The following ILDR2 variants were observed in gnomAD, a reference collection of about 807,000 sequenced individuals.
The protein encoded by ILDR2 is immunoglobulin like domain containing receptor 2, also known as immunoglobulin-like domain-containing receptor 2.
Under a neutral mutation model 66.8 loss-of-function variants are expected in ILDR2, and 25 were observed. That is an observed-to-expected ratio of 0.37 (90% CI 0.27 to 0.52). The LOEUF is 0.52. ILDR2 is among the 20% of genes least tolerant of loss of function. The pLI is 0.88. For missense variants in ILDR2, 827 were observed against 876.8 expected (o/e 0.94, Z 0.72); for synonymous variants, 367 against 357.2 (o/e 1.03, Z -0.31).
chr1:166,957,728 C>T, intron 2 of ILDR2, 41 bp downstream of exon 2: 1 of 1,511,256 alleles, frequency 6.6e-7, no homozygotes, highest in Non-Finnish European at 9.1e-7. Context: ...TGAAACTAAC[C>T]TCCCTCCCAT....
chr1:166,935,535 A>C, intron 5 of ILDR2, 58 bp from the exon 6 acceptor site: 2 of 1,459,918 alleles, frequency 1.4e-6, no homozygotes, highest in Non-Finnish European at 1.8e-6. Flanking sequence ...CACAACCCTC[A>C]CACCAAAAAT....
At position 166,931,865 on chromosome 1, in the gene ILDR2, A is replaced by C. The variant is rs113341752; in HGVS notation, c.880+3436T>G. Among the ~76,000 whole-genome samples the C allele has an allele frequency of 2.9e-3, 440 of 152,350 alleles. 2 individuals are homozygous for C. The highest frequency in any genetic ancestry group is 0.01 in the African/African-American group (419 of 41,578). On this transcript the variant is annotated intron_variant, in intron 6 of 9. Coordinates refer to ENST00000271417, the MANE Select transcript of ILDR2 (RefSeq NM_199351.3). ...ATGTAGAAGCTGGTTCGAAGTGAAG[A>C]AGCAGCAGATTAATTCAATTTCCTA...
In ILDR2 at chr1:166,909,006, CT is replaced by C. The variant is rs1278581701; in HGVS notation, c.*10348del. 3 of 152,340 alleles carry C rather than the reference CT, an allele frequency of 2.0e-5. No individual in the cohort carries two copies. The highest frequency in any genetic ancestry group is 3.9e-4 in the East Asian group (2 of 5,182). 9.4% of individuals were successfully genotyped at this position (152,340 alleles called of 1,614,324 possible). A position where few individuals can be genotyped will look rare whatever the true frequency, so the allele number is the denominator to read the frequency against. On this transcript the variant is annotated 3_prime_UTR_variant, in exon 10 of 10. Transcript: ENST00000271417. ...CTGCCCAGCATCACTATTCTCACTT[CT>C]TCTATTAATAACAACTCTCTTCTCT... is the stretch of plus-strand genomic sequence containing the variant.
chr1:166,939,667 G>T, intron 3 of ILDR2, 97 bp from the exon 4 acceptor site: 1 of 898,752 alleles, frequency 1.1e-6, no homozygotes, highest in Non-Finnish European at 1.8e-6. Context: ...CACACGTGCG[G>T]CCATTAGTGC....
rs1659528319 is a variant in ILDR2 at position 166,913,604 on chromosome 1, T to C, written c.*5751A>G. 6.6e-6 allele frequency: 1 copy of C among 152,174 alleles called. No homozygotes were observed. The highest frequency in any genetic ancestry group is 1.5e-5 in the Non-Finnish European group (1 of 68,034). 9.4% of individuals were successfully genotyped at this position (152,174 alleles called of 1,614,324 possible). On this transcript the variant is annotated 3_prime_UTR_variant, in exon 10 of 10. Coordinates refer to ENST00000271417, the MANE Select transcript of ILDR2 (RefSeq NM_199351.3). ...AAAATTTAGCTAAACTACTATATCT[T>C]TTTCCTTCTCACATTCCTTATTCCT...
chr1:166,907,745 T>C (rs1571257153), downstream of ILDR2, among the ~76,000 whole-genome samples: 6 of 152,202 alleles, frequency 3.9e-5, no homozygotes, highest in Admixed American at 3.3e-4. Flanking sequence ...AAATTATACA[T>C]ATTTTGAGTG....
In ILDR2 at chr1:166,919,282, T is replaced by C. The variant is rs779981135; in HGVS notation, c.*73A>G. The C allele has an allele frequency of 1.7e-4, 235 of 1,418,400 alleles. 2 individuals are homozygous for C. Among genetic ancestry groups the C allele is most frequent in the Non-Finnish European group, 2.2e-4 (222 of 1,012,592 alleles). 87.9% of individuals were successfully genotyped at this position (1,418,400 alleles called of 1,614,324 possible). On this transcript the variant is annotated 3_prime_UTR_variant, in exon 10 of 10. Coordinates refer to ENST00000271417, the MANE Select transcript of ILDR2 (RefSeq NM_199351.3). ...TGGCCAGAGAAGGTCCTGGGCCTGC[T>C]GGTTCTTAGATTTGTGTCTTGTCCC...
rs1659679620 is a variant in ILDR2, at chr1:166,917,258, T to C, written c.*2097A>G. ...CCAAAGCAACACGGAAGTCCTTTGGTAGGTCAATTCTCCAAGCAATGACAC... is the reference window on the plus strand; with the variant it reads ...CCAAAGCAACACGGAAGTCCTTTGGCAGGTCAATTCTCCAAGCAATGACAC... On this transcript the variant is annotated 3_prime_UTR_variant, in exon 10 of 10. Transcript: ENST00000271417. The C allele has an allele frequency of 6.6e-6, 1 of 152,146 alleles. No individual in the cohort carries two copies. Among genetic ancestry groups the C allele is most frequent in the South Asian group, 2.1e-4 (1 of 4,818 alleles). The allele number at this position is 152,146 out of a possible 1,614,324, so 9.4% of individuals were successfully genotyped here.
intron 3 of ILDR2, among the ~76,000 whole-genome samples, chr1:166,948,182 C>T (rs1484114376): frequency 6.6e-6 from 1 of 152,048 alleles, no homozygotes; most frequent in Non-Finnish European, 1.5e-5. Flanking sequence ...TAATTTCCCC[C>T]CCAACCCTCT....
chr1:166,922,207 C>G (rs951282400), intron 8 of ILDR2, among the ~76,000 whole-genome samples: 1 of 151,922 alleles, frequency 6.6e-6, no homozygotes, highest in African/African-American at 2.4e-5. Flanking sequence ...CGCTTGAGCT[C>G]AGGAGTTCAA....
intron 3 of ILDR2, among the ~76,000 whole-genome samples, chr1:166,950,909 G>C (rs1471137382): frequency 6.6e-6 from 1 of 152,122 alleles, no homozygotes; most frequent in African/African-American, 2.4e-5. Flanking sequence ...AATCCCAAAT[G>C]AGCGCCTTAC....
intron 9 of ILDR2, 151 bp downstream of exon 9, chr1:166,920,556 G>A: frequency 1.2e-6 from 1 of 832,582 alleles, no homozygotes; most frequent in African/African-American, 1.8e-5. Context: ...AGCATCCGCG[G>A]ACGAACTCGC....
downstream of ILDR2, among the ~76,000 whole-genome samples, chr1:166,903,757 C>T (rs1423953606): frequency 6.6e-6 from 1 of 152,138 alleles, no homozygotes; most frequent in Non-Finnish European, 1.5e-5. Context: ...TGATGGCTTC[C>T]CTTCTGTTCC....
rs1384552896 is a variant in ILDR2 at position 166,921,952 on chromosome 1, C to G, written c.1212-573G>C. Among the ~76,000 whole-genome samples, 1 of 152,106 alleles carries G rather than the reference C, an allele frequency of 6.6e-6. No individual in the cohort carries two copies. Among genetic ancestry groups the G allele is most frequent in the Non-Finnish European group, 1.5e-5 (1 of 68,004 alleles). On this transcript the variant is annotated intron_variant, in intron 8 of 9. Coordinates refer to ENST00000271417, the MANE Select transcript of ILDR2 (RefSeq NM_199351.3). The surrounding 1 kb of genome is among the most constrained non-coding windows in gnomAD (Gnocchi z 5.3). Reference sequence around the variant, plus strand: ...TAGGGGGAATAGCAAATCTTAGCCTCCCACAATTGTTGTGGGAGGCCACAT... The same window carrying G: ...TAGGGGGAATAGCAAATCTTAGCCTGCCACAATTGTTGTGGGAGGCCACAT...
chr1:166,950,726 T>TACAC (rs57212569), intron 3 of ILDR2, among the ~76,000 whole-genome samples: 10,699 of 146,624 alleles, frequency 0.073, 456 homozygotes, highest in African/African-American at 0.13. Context: ...TGATCTAAAA[T>TACAC]ACACACACAC....
intron 7 of ILDR2, among the ~76,000 whole-genome samples, chr1:166,924,771 T>C (rs754023206): frequency 6.6e-6 from 1 of 152,186 alleles, no homozygotes; most frequent in Non-Finnish European, 1.5e-5. Flanking sequence ...TCCCAGCACT[T>C]TGTGAGACCA....
In ILDR2 at chr1:166,973,617, C is replaced by T. The variant is rs906459900; in HGVS notation, c.46+1606G>A. ...ACCTCTGACTCAGGGACCCCTCCCC[C>T]CCCCCCCCGATGCCTGGCTGACTTC... On this transcript the variant is annotated intron_variant, in intron 1 of 9. Coordinates refer to ENST00000271417, the MANE Select transcript of ILDR2 (RefSeq NM_199351.3). 2.4e-4 allele frequency among the ~76,000 whole-genome samples: 26 copies of T among 109,578 alleles called. 2 individuals are homozygous for T. Among genetic ancestry groups the T allele is most frequent in the South Asian group, 6.2e-4 (2 of 3,228 alleles). 71.9% of individuals were successfully genotyped at this position (109,578 alleles called of 152,430 possible).
Position 166,935,429 on chromosome 1 carries a change from G to A in ILDR2, c.752C>T (p.Ser251Phe), listed in dbSNP as rs766093560. Residue 251 changes from serine (S) to phenylalanine (F), a missense_variant, in exon 6 of 10, where the codon TCC (serine) becomes TTC (phenylalanine). Coordinates refer to ENST00000271417, the MANE Select transcript of ILDR2 (RefSeq NM_199351.3). Reference protein sequence around the residue: ...AAKAGYPPSVSGVPGPYSIPS... With the variant: ...AAKAGYPPSVFGVPGPYSIPS... ...GATGGAGTAAGGGCCGGGGACACCG[G>A]AGACAGAGGGAGGGTACCCGGCCTT... 2 of 1,612,438 alleles carry A rather than the reference G, an allele frequency of 1.2e-6. No homozygotes were observed. Among genetic ancestry groups the A allele is most frequent in the Non-Finnish European group, 1.7e-6 (2 of 1,179,152 alleles).
chr1:166,922,786 T>G lies in ILDR2; in HGVS notation c.1018A>C (p.Ser340Arg), dbSNP rs370046860. The change falls in exon 8 of 10, where the codon AGC becomes CGC. Residue 340 changes from serine to arginine, a missense_variant. Transcript: ENST00000271417. The part of the protein sequence containing the change: ...GRYNNTISEL[S>R]SLHEEDSNFR... ...TTGCTGTCCTCCTCATGTAGGGAGC[T>G]GAGTTCTGAGATGGTGTTGTTATCT... 1.9e-6 allele frequency: 3 copies of G among 1,614,196 alleles called. No individual in the cohort carries two copies. The highest frequency in any genetic ancestry group is 2.5e-6 in the Non-Finnish European group (3 of 1,180,008).
Sources: allele counts gnomAD v4.1 joint callset (sites outside exome capture counted in the v4.1 genomes callset), GRCh38; gene constraint gnomAD v4.1.1; non-coding constraint Gnocchi (gnomAD v3.1); transcripts MANE v1.5; gene names NCBI Gene and HGNC (gene_info 2026-07-23, HGNC 2026-07-21).